Variants in SNX31 observed in about 807,000 individuals in gnomAD.
The protein encoded by SNX31 is sorting nexin-31.
SNX31 carries 58 observed loss-of-function variants against 65.4 expected under a neutral mutation model. That is an observed-to-expected ratio of 0.89 (90% CI 0.72 to 1.10). SNX31 has a LOEUF of 1.10. Ranked by LOEUF, SNX31 falls within the 50% of genes least tolerant of loss-of-function variation. The probability of loss-of-function intolerance (pLI) is 0.00; values close to 1 mark genes in which losing one functional copy is unlikely to be tolerated. For missense variants in SNX31, 523 were observed against 529.7 expected, an observed-to-expected ratio of 0.99 and a Z score of 0.12; for synonymous variants, 181 against 190.1, an observed-to-expected ratio of 0.95 and a Z score of 0.39.
At chr8:100,587,689 C>T (rs1460216481) in intron 11 of SNX31, among the ~76,000 whole-genome samples, 1 of 152,174 alleles carries the variant, frequency 6.6e-6, no homozygotes, top group Admixed American at 6.5e-5. Flanking sequence ...TTTCTGATGG[C>T]TCAATGTCCA....
chr8:100,594,693 G>A lies in SNX31; in HGVS notation c.978+1946C>T, dbSNP rs1814902557. Among the ~76,000 whole-genome samples the A allele has an allele frequency of 2.0e-5, 3 of 152,212 alleles. No individual in the cohort carries two copies. The highest frequency in any genetic ancestry group is 2.1e-4 in the South Asian group (1 of 4,836). ...AAACTGGTTCACTCACACATTGCTG[G>A]TGGGAATGTAAAATGATGTAGCCAT... On this transcript the variant is annotated intron_variant, in intron 10 of 13. Transcript: ENST00000311812. The surrounding 1 kb of genome is among the most constrained non-coding windows in gnomAD (Gnocchi z 4.0).
rs545765191 is a variant in SNX31 at position 100,594,280 on chromosome 8, G to T, written c.978+2359C>A. ...AATTGCACCACTGCACTCCAGCCTG[G>T]GCGACAGAGCAAGACTCTGTCTCAA... On this transcript the variant is annotated intron_variant, in intron 10 of 13. Transcript: ENST00000311812. This position sits in a 1 kb window ranked among gnomAD's most constrained non-coding sequence, Gnocchi z 4.0. Among the ~76,000 whole-genome samples the T allele has an allele frequency of 3.9e-5, 6 of 152,214 alleles. No individual in the cohort carries two copies. In the South Asian group the frequency reaches 1.2e-3, roughly 32 times the overall value.
At chr8:100,606,334 C>T (rs963878450) in intron 8 of SNX31, among the ~76,000 whole-genome samples, 1 of 152,180 alleles carries the variant, frequency 6.6e-6, no homozygotes, top group Non-Finnish European at 1.5e-5. Context: ...CGTTTCCAGG[C>T]TGAACATAAT....
At chr8:100,649,411 C>A (rs1384333028) in intron 1 of SNX31, 38 bp downstream of exon 1, 1 of 1,590,646 alleles carries the variant, frequency 6.3e-7, no homozygotes, top group South Asian at 1.1e-5. Flanking sequence ...TGCCACCGGC[C>A]CCCTCCCTGC....
chr8:100,649,604 C>G lies in SNX31; in HGVS notation c.-90G>C. On this transcript the variant is annotated 5_prime_UTR_variant, in exon 1 of 14. Transcript: ENST00000311812. ...CTGAACTCGGCAGCGGTGGACGCAG[C>G]GCGGCCTGCCACGCGACTCAGAGCG... The G allele has an allele frequency of 7.8e-7, 1 of 1,283,554 alleles. No homozygotes were observed. The highest frequency in any genetic ancestry group is 1.1e-6 in the Non-Finnish European group (1 of 923,088). The allele number at this position is 1,283,554 out of a possible 1,614,324, so 79.5% of individuals were successfully genotyped here.
chr8:100,591,829 TTAAAAA>T (rs1257412812), intron 10 of SNX31, among the ~76,000 whole-genome samples: 1 of 152,092 alleles, frequency 6.6e-6, no homozygotes. Flanking sequence ...ACCCTGCCTC[TTAAAAA>T]TAAAAATAAA....
At chr8:100,638,130 G>A (rs1250404998) in intron 2 of SNX31, among the ~76,000 whole-genome samples, 2 of 152,146 alleles carry the variant, frequency 1.3e-5, no homozygotes, top group Non-Finnish European at 2.9e-5. Context: ...TCCAGCCTGG[G>A]CAACAGAGCA....
At chr8:100,581,845 G>C (rs1020101318) in intron 12 of SNX31, among the ~76,000 whole-genome samples, 13 of 152,066 alleles carry the variant, frequency 8.5e-5, no homozygotes, top group African/African-American at 2.9e-4. Context: ...ACTTGTGAGG[G>C]GGCCCAGCAC....
At position 100,613,431 on chromosome 8, in the gene SNX31, C is replaced by T. The variant is rs1816892382; in HGVS notation, c.433-346G>A. Among the ~76,000 whole-genome samples the T allele has an allele frequency of 6.6e-6, 1 of 152,196 alleles. No individual in the cohort carries two copies. Among genetic ancestry groups the T allele is most frequent in the Admixed American group, 6.5e-5 (1 of 15,282 alleles). On this transcript the variant is annotated intron_variant, in intron 5 of 13. Coordinates refer to ENST00000311812, the MANE Select transcript of SNX31 (RefSeq NM_152628.4). The surrounding 1 kb of genome is among the most constrained non-coding windows in gnomAD (Gnocchi z 5.2). The stretch of plus-strand genomic sequence containing the variant: ...GGCAGCAGCCATGTTCCATGAACAT[C>T]TGTCCTTCTGTGATGTCTGTCCCTG...
chr8:100,626,933 A>AG lies in SNX31; in HGVS notation c.321+3393dup, dbSNP rs1046226712. On this transcript the variant is annotated intron_variant, in intron 4 of 13. Coordinates refer to ENST00000311812, the MANE Select transcript of SNX31 (RefSeq NM_152628.4). This position sits in a 1 kb window ranked among gnomAD's most constrained non-coding sequence, Gnocchi z 4.4. ...CCATTACAAAAGTGAAAATTGTGTT[A>AG]GAAAAAGTAAAAAGAGGCACTGAAA... is the stretch of plus-strand genomic sequence containing the variant. Among the ~76,000 whole-genome samples the AG allele has an allele frequency of 1.3e-5, 2 of 152,388 alleles. No individual in the cohort carries two copies. The highest frequency in any genetic ancestry group is 4.8e-5 in the African/African-American group (2 of 41,596).
chr8:100,644,812 A>G (rs905160431), intron 2 of SNX31, among the ~76,000 whole-genome samples: 1 of 151,664 alleles, frequency 6.6e-6, no homozygotes, highest in Non-Finnish European at 1.5e-5. Context: ...TTATAGGCAC[A>G]TGCCACCACA....
chr8:100,661,434 A>C (rs1264934390), intron 1 of SNX31, among the ~76,000 whole-genome samples: 1 of 152,224 alleles, frequency 6.6e-6, no homozygotes, highest in Non-Finnish European at 1.5e-5. Flanking sequence ...AAGTCCATCA[A>C]AACCAGGAAT....
chr8:100,646,817 A>G (rs1296803546), intron 2 of SNX31, among the ~76,000 whole-genome samples: 1 of 152,172 alleles, frequency 6.6e-6, no homozygotes, highest in Non-Finnish European at 1.5e-5. Flanking sequence ...TTAGTTTAGG[A>G]CTCAGTCATT....
At chr8:100,618,536 C>T in intron 4 of SNX31, 1 of 592,080 alleles carries the variant, frequency 1.7e-6, no homozygotes, top group Non-Finnish European at 3.0e-6. Flanking sequence ...TTTAAGGGCT[C>T]AGCTCCACAA....
chr8:100,617,612 A>G lies in SNX31; in HGVS notation c.432+8T>C. Reference sequence around the variant, plus strand: ...CAGTTCTGGAGCTGGAGTTTAAACAAAGCTTACCTCTAGGACTCTTTCAGC... The same window carrying G: ...CAGTTCTGGAGCTGGAGTTTAAACAGAGCTTACCTCTAGGACTCTTTCAGC... On this transcript the variant is annotated splice_region_variant and intron_variant, in intron 5 of 13. Transcript: ENST00000311812. 6.3e-7 allele frequency: 1 copy of G among 1,580,050 alleles called. No homozygotes were observed. Among genetic ancestry groups the G allele is most frequent in the Non-Finnish European group, 8.7e-7 (1 of 1,152,046 alleles).
At chr8:100,634,755 T>C (rs1273454025) in intron 3 of SNX31, among the ~76,000 whole-genome samples, 1 of 109,702 alleles carries the variant, frequency 9.1e-6, no homozygotes, top group East Asian at 3.1e-4. Context: ...TCTCTCTGTC[T>C]TAAAAAAAAA....
At chr8:100,623,840 C>T (rs983695016) in intron 4 of SNX31, among the ~76,000 whole-genome samples, 1 of 152,162 alleles carries the variant, frequency 6.6e-6, no homozygotes. Flanking sequence ...AAGTCAGAGA[C>T]TTTGGGTAGA....
intron 5 of SNX31, among the ~76,000 whole-genome samples, chr8:100,615,031 C>T (rs1254743107): frequency 6.6e-6 from 1 of 152,188 alleles, no homozygotes; most frequent in Non-Finnish European, 1.5e-5. Context: ...TGGTTTTATG[C>T]AAGCTAGAGA....
chr8:100,649,694 G>A, upstream of SNX31: 2 of 522,426 alleles, frequency 3.8e-6, no homozygotes, highest in Non-Finnish European at 6.6e-6. Context: ...GGGCCGCGCC[G>A]CCTCCCAGTC....
Sources: gnomAD v4.1 joint callset for allele counts (sites outside exome capture counted in the v4.1 genomes callset) on GRCh38, gnomAD v4.1.1 for gene constraint, Gnocchi (gnomAD v3.1) non-coding constraint, MANE v1.5 for transcripts, NCBI Gene and HGNC (gene_info 2026-07-23, HGNC 2026-07-21) for gene names.